The following PRKRIP1 variants were observed in gnomAD, a reference collection of about 807,000 sequenced individuals.
PRKRIP1 encodes PRKR interacting protein 1.
In PRKRIP1, 29 loss-of-function variants were observed where a neutral mutation model predicts 29.3. The observed-to-expected ratio is 0.99, with a 90% confidence interval of 0.74 to 1.35. The LOEUF is 1.35. Among genes scored for constraint, PRKRIP1 ranks in the 40% most tolerant of loss-of-function variants. The probability of loss-of-function intolerance (pLI) is 0.00; values close to 1 mark genes in which losing one functional copy is unlikely to be tolerated. For missense variants in PRKRIP1, 247 were observed against 236.8 expected (o/e 1.04, Z -0.28); for synonymous variants, 90 against 85.1 (o/e 1.06, Z -0.32).
intron 5 of PRKRIP1, among the ~76,000 whole-genome samples, chr7:102,417,053 CACTG>C (rs1796571088): frequency 6.6e-6 from 1 of 152,076 alleles, no homozygotes; most frequent in Non-Finnish European, 1.5e-5. Flanking sequence ...GACGGGGTTT[CACTG>C]TGTTAGCCAG....
chr7:102,405,821 G>A (rs1211015329), intron 4 of PRKRIP1: 1 of 276,910 alleles, frequency 3.6e-6, no homozygotes, highest in Non-Finnish European at 7.6e-6. Context: ...TTATTGATCA[G>A]AATAGGAACC....
At chr7:102,401,915 G>T (rs929421837) in intron 3 of PRKRIP1, among the ~76,000 whole-genome samples, 1 of 152,078 alleles carries the variant, frequency 6.6e-6, no homozygotes, top group Non-Finnish European at 1.5e-5. Flanking sequence ...AAAAGAAGAA[G>T]AAAAAATGTC....
chr7:102,407,751 C>G (rs1031994738), intron 5 of PRKRIP1, among the ~76,000 whole-genome samples: 1 of 151,376 alleles, frequency 6.6e-6, no homozygotes, highest in Admixed American at 6.6e-5. Context: ...TCAGGGAGAT[C>G]AGTGACATTA....
chr7:102,421,272 G>A (rs1156326941), intron 5 of PRKRIP1, among the ~76,000 whole-genome samples: 1 of 152,176 alleles, frequency 6.6e-6, no homozygotes, highest in Admixed American at 6.6e-5. Flanking sequence ...GGCTGGGCAC[G>A]GTGGCTCATG....
chr7:102,408,944 CGAGTG>C (rs199735878), intron 5 of PRKRIP1, among the ~76,000 whole-genome samples: 6,973 of 152,180 alleles, frequency 0.046, 213 homozygotes, highest in Non-Finnish European at 0.072. Context: ...GAAGCCAAGG[CGAGTG>C]GATCACCTGA....
At chr7:102,411,081 A>G (rs1796368947) in intron 5 of PRKRIP1, among the ~76,000 whole-genome samples, 1 of 151,946 alleles carries the variant, frequency 6.6e-6, no homozygotes, top group African/African-American at 2.4e-5. Flanking sequence ...GGTGTGTACC[A>G]CCATGCCTGG....
In PRKRIP1 at chr7:102,419,843, TTTTGTGTGTGTGTGTG is replaced by T. The variant is rs1251598695; in HGVS notation, c.458-5169_458-5154del. ...TTTGTGTGCTACTGTTTTTTTGTGTTTTTGTGTGTGTGTGTGTGTGTGTGTGTGTGTGTGTGTGTGT... is the reference window on the plus strand; with the variant it reads ...TTTGTGTGCTACTGTTTTTTTGTGTTTGTGTGTGTGTGTGTGTGTGTGTGT... On this transcript the variant is annotated intron_variant, in intron 5 of 5. Transcript: ENST00000397912. Among the ~76,000 whole-genome samples the T allele has an allele frequency of 5.4e-3, 728 of 133,656 alleles. 7 individuals carry two copies. The highest frequency in any genetic ancestry group is 0.019 in the African/African-American group (659 of 35,340). 87.7% of individuals were successfully genotyped at this position (133,656 alleles called of 152,430 possible). A position where few individuals can be genotyped will look rare whatever the true frequency, so the allele number is the denominator to read the frequency against.
chr7:102,416,444 G>A (rs1408371515), intron 5 of PRKRIP1, among the ~76,000 whole-genome samples: 1 of 152,094 alleles, frequency 6.6e-6, no homozygotes, highest in Non-Finnish European at 1.5e-5. Flanking sequence ...TCCAATCCAG[G>A]GCACCGCGTC....
chr7:102,407,389 C>A, intron 4 of PRKRIP1, 45 bp from the exon 5 acceptor site: 1 of 1,245,950 alleles, frequency 8.0e-7, no homozygotes, highest in Non-Finnish European at 1.2e-6. Flanking sequence ...TAAAATATAC[C>A]ATAATGTAGT....
intron 5 of PRKRIP1, among the ~76,000 whole-genome samples, chr7:102,418,130 A>G (rs1586693207): frequency 6.9e-6 from 1 of 143,896 alleles, no homozygotes; most frequent in Admixed American, 7.0e-5. Context: ...GCTCACTGCA[A>G]CCTCCGCCTC....
At chr7:102,404,824 A>G (rs1423891108) in intron 4 of PRKRIP1, 141 bp downstream of exon 4, 5 of 586,678 alleles carry the variant, frequency 8.5e-6, no homozygotes, top group South Asian at 2.4e-5. Context: ...CTACCTGAGC[A>G]GAGAGCAAGT....
chr7:102,403,648 A>T (rs1554571460), intron 3 of PRKRIP1, among the ~76,000 whole-genome samples: 2 of 152,172 alleles, frequency 1.3e-5, no homozygotes, highest in Admixed American at 6.5e-5. Context: ...AAGTACTGGG[A>T]TTACAGGCAT....
chr7:102,397,479 A>C, intron 1 of PRKRIP1, 141 bp from the exon 2 acceptor site: 1 of 648,318 alleles, frequency 1.5e-6, no homozygotes, highest in Non-Finnish European at 2.7e-6. Context: ...CCAGGAGTTC[A>C]AGGCTGCAGT....
Position 102,396,369 on chromosome 7 carries a change from G to A in PRKRIP1, c.-43G>A, listed in dbSNP as rs1554570289. 6.7e-7 allele frequency: 1 copy of A among 1,482,184 alleles called. No homozygotes were observed. Among genetic ancestry groups the A allele is most frequent in the Non-Finnish European group, 8.9e-7 (1 of 1,120,982 alleles). The allele number at this position is 1,482,184 out of a possible 1,614,324, so 91.8% of individuals were successfully genotyped here. A position where few individuals can be genotyped will look rare whatever the true frequency, so the allele number is the denominator to read the frequency against. The stretch of plus-strand genomic sequence containing the variant: ...GGCGCGCGGCTGTGTCGTCATACTT[G>A]CGCGCCGACGCCGCCGCTCGCTTGT... On this transcript the variant is annotated 5_prime_UTR_variant, in exon 1 of 6. Transcript: ENST00000397912.
At position 102,425,141 on chromosome 7, in the gene PRKRIP1, C is replaced by G; in HGVS notation, c.*30C>G. The G allele has an allele frequency of 6.3e-7, 1 of 1,597,052 alleles. No individual in the cohort carries two copies. The highest frequency in any genetic ancestry group is 8.5e-7 in the Non-Finnish European group (1 of 1,174,952). On this transcript the variant is annotated 3_prime_UTR_variant, in exon 6 of 6. Transcript: ENST00000397912. ...GTTTGCCACAGCCTCTGCCTGGAAC[C>G]TGGCTCGTGCTGTGACCAGAAGGGA... is the stretch of plus-strand genomic sequence containing the variant.
Position 102,399,632 on chromosome 7 carries a change from A to G in PRKRIP1, c.290A>G (p.Asp97Gly), listed in dbSNP as rs961620628. The G allele has an allele frequency of 4.3e-6, 7 of 1,613,720 alleles. No homozygotes were observed. The highest frequency in any genetic ancestry group is 5.9e-6 in the Non-Finnish European group (7 of 1,179,688). The change falls in exon 3 of 6, where the codon GAT becomes GGT. Residue 97 changes from aspartate to glycine, a missense_variant. Around this residue, in one of 3 missense-constraint regions of PRKRIP1, gnomAD observed 134 missense variants for 126.6 expected, o/e 1.06. Coordinates refer to ENST00000397912, the MANE Select transcript of PRKRIP1 (RefSeq NM_024653.4). ...GAATATCAGCGACAGGACTACATGG[A>G]TGCCATGGCTGAGAAGGTCAGTGAG... ...RREYQRQDYM[D>G]AMAEKQKLDA...
chr7:102,408,444 G>A (rs1004938322), intron 5 of PRKRIP1, among the ~76,000 whole-genome samples: 1 of 152,194 alleles, frequency 6.6e-6, no homozygotes, highest in South Asian at 2.1e-4. Flanking sequence ...AGGGTTGGCT[G>A]TTAGGTCAGC....
At chr7:102,404,537 C>T in intron 3 of PRKRIP1, 61 bp from the exon 4 acceptor site, 1 of 1,446,998 alleles carries the variant, frequency 6.9e-7, no homozygotes, top group Non-Finnish European at 9.6e-7. Context: ...TTTGCCTGAG[C>T]AAAACCTCCC....
chr7:102,418,043 CTTCTTCT>C (rs535565687), intron 5 of PRKRIP1, among the ~76,000 whole-genome samples: 1,826 of 141,804 alleles, frequency 0.013, 20 homozygotes, highest in South Asian at 0.048. Context: ...TCTTCTTCTT[CTTCTTCT>C]TTTTTTTTTT....
Sources: allele counts gnomAD v4.1 joint callset (sites outside exome capture counted in the v4.1 genomes callset), GRCh38; gene constraint gnomAD v4.1.1; regional missense constraint gnomAD v4.1.1; transcripts MANE v1.5; gene names NCBI Gene and HGNC (gene_info 2026-07-23, HGNC 2026-07-21).